PACS2: variants seen among roughly 807,000 people sequenced by gnomAD.
PACS2 encodes PACS1-like protein.
A neutral mutation model predicts 113.0 loss-of-function variants in PACS2; 36 were observed. That is an observed-to-expected ratio of 0.32 (90% CI 0.24 to 0.42). The LOEUF (loss-of-function observed/expected upper bound fraction) is 0.42, where lower values mean the gene tolerates loss of function less well. Among genes scored for constraint, PACS2 ranks in the 10% least tolerant of loss-of-function variants. PACS2 has a pLI of 1.00. For missense variants in PACS2, 1,015 were observed against 1,239.5 expected (o/e 0.82, Z 2.72); for synonymous variants, 589 against 536.1 (o/e 1.10, Z -1.36).
chr14:105,391,905 G>T, intron 22 of PACS2, 139 bp downstream of exon 22: 1 of 870,042 alleles, frequency 1.1e-6, no homozygotes, highest in Non-Finnish European at 1.7e-6. Flanking sequence ...GGCTCTGCAG[G>T]ACGGCTGGGT....
intron 1 of PACS2, among the ~76,000 whole-genome samples, chr14:105,325,806 C>T (rs965940014): frequency 1.3e-5 from 2 of 152,248 alleles, no homozygotes; most frequent in African/African-American, 2.4e-5. Flanking sequence ...GCACGGGGAA[C>T]GGCACCAAGC....
In PACS2 at chr14:105,367,165, G is replaced by T; in HGVS notation, c.424-48G>T. ...CCAGCCCACACATCAGGGCACCGGG[G>T]CTCCTTCCCGTCGTGCTGCTTTCTA... On this transcript the variant is annotated intron_variant, in intron 4 of 24. Transcript: ENST00000447393. 5 of 1,574,600 alleles carry T rather than the reference G, an allele frequency of 3.2e-6. No individual in the cohort carries two copies. The South Asian group carries it at 3.4e-5, about 11-fold the overall frequency.
intron 24 of PACS2, 38 bp downstream of exon 24, chr14:105,393,373 G>T (rs781816763): frequency 2.8e-6 from 4 of 1,411,122 alleles, no homozygotes; most frequent in Non-Finnish European, 4.0e-6. Flanking sequence ...AGAGTGGGAC[G>T]TAGGTGAGAG....
At chr14:105,375,304 C>T (rs1555410139) in intron 8 of PACS2, among the ~76,000 whole-genome samples, 1 of 151,950 alleles carries the variant, frequency 6.6e-6, no homozygotes, top group African/African-American at 2.4e-5. Context: ...ACGGTGAAAC[C>T]CCATCTCTAC....
rs1434649650 is a variant in PACS2 at position 105,367,985 on chromosome 14, C to CT, written c.587-88dup. ...GATCCACCTCCTCGCTGCCCCCACT[C>CT]TGTGTCCAGGGAAGCCTGGGGGTGG... On this transcript the variant is annotated intron_variant, in intron 5 of 24. Coordinates refer to ENST00000447393, the MANE Select transcript of PACS2 (RefSeq NM_001100913.3). The CT allele has an allele frequency of 5.5e-5, 46 of 833,322 alleles. No homozygotes were observed. The East Asian group carries it at 1.1e-3, about 21-fold the overall frequency. 51.6% of individuals were successfully genotyped at this position (833,322 alleles called of 1,614,324 possible).
chr14:105,391,512 T>TGGCCCCCCCCCC, intron 21 of PACS2, 119 bp from the exon 22 acceptor site: 11 of 611,270 alleles, frequency 1.8e-5, no homozygotes, highest in East Asian at 5.8e-5. Flanking sequence ...CACTGGGGAC[T>TGGCCCCCCCCCC]CCCACCCTGC....
chr14:105,381,647 T>C (rs1555412058), intron 12 of PACS2, among the ~76,000 whole-genome samples: 1 of 152,176 alleles, frequency 6.6e-6, no homozygotes, highest in African/African-American at 2.4e-5. Flanking sequence ...GCTCCAAGCC[T>C]CCTGGCCTGG....
chr14:105,368,516 G>T lies in PACS2; in HGVS notation c.718G>T (p.Val240Leu), dbSNP rs782734762. The T allele has an allele frequency of 2.5e-6, 4 of 1,613,980 alleles. No homozygotes were observed. The South Asian group carries it at 4.4e-5, about 18-fold the overall frequency. ...GKPKKQRRSI[V>L]RTTSMTRQQN... Reference sequence around the variant, plus strand: ...GCCGAAGAAGCAGCGGAGATCGATTGTAAGAACGACGTCCATGACCAGGGT... The same window carrying T: ...GCCGAAGAAGCAGCGGAGATCGATTTTAAGAACGACGTCCATGACCAGGGT... The change falls in exon 7 of 25, where the codon GTA becomes TTA. Residue 240 changes from valine (V) to leucine (L), a missense_variant. Val to Leu is a conservative substitution (Grantham distance 32). Coordinates refer to ENST00000447393, the MANE Select transcript of PACS2 (RefSeq NM_001100913.3).
chr14:105,381,132 G>T, intron 12 of PACS2, 33 bp downstream of exon 12: 1 of 1,588,456 alleles, frequency 6.3e-7, no homozygotes, highest in East Asian at 2.3e-5. Context: ...GCGGGGCGGT[G>T]ATGCACCTGT....
chr14:105,309,369 G>A lies in PACS2; in HGVS notation c.-83+8390G>A, dbSNP rs932041886. 1.3e-5 allele frequency among the ~76,000 whole-genome samples: 2 copies of A among 152,162 alleles called. No homozygotes were observed. Among genetic ancestry groups the A allele is most frequent in the African/African-American group, 4.8e-5 (2 of 41,412 alleles). On this transcript the variant is annotated intron_variant, in intron 1 of 23. Transcript: ENST00000430725. This position sits in a 1 kb window ranked among gnomAD's most constrained non-coding sequence, Gnocchi z 4.0. ...ATCACATATCTGAGAATTTCCCCAT[G>A]TTGCTAAAACTGAGGCAGCGTTCCG... is the stretch of plus-strand genomic sequence containing the variant.
At chr14:105,394,284 C>G in intron 24 of PACS2, 2 of 985,340 alleles carry the variant, frequency 2.0e-6, no homozygotes, top group South Asian at 9.4e-5. Context: ...TCTGCTCCTT[C>G]CACCTGCAGG....
intron 1 of PACS2, among the ~76,000 whole-genome samples, chr14:105,344,915 C>T (rs184895925): frequency 6.4e-4 from 97 of 151,580 alleles, no homozygotes; most frequent in Non-Finnish European, 1.1e-3. Context: ...CGAGACCAGC[C>T]TGGCCAACAT....
At chr14:105,305,206 G>A (rs587615749) in intron 1 of PACS2, among the ~76,000 whole-genome samples, 1 of 152,154 alleles carries the variant, frequency 6.6e-6, no homozygotes, top group South Asian at 2.1e-4. Context: ...TTTGAGACCA[G>A]CCTAAGCAAC....
At chr14:105,382,763 C>G in intron 14 of PACS2, 44 bp from the exon 15 acceptor site, 1 of 1,293,052 alleles carries the variant, frequency 7.7e-7, no homozygotes, top group African/African-American at 1.5e-5. Context: ...TGGGGGTGGC[C>G]TGGGCGGCTG....
In PACS2 at chr14:105,381,982, C is replaced by T; in HGVS notation, c.1337C>T (p.Pro446Leu). 1.3e-6 allele frequency: 2 copies of T among 1,550,266 alleles called. No individual in the cohort carries two copies. The highest frequency in any genetic ancestry group is 1.7e-6 in the Non-Finnish European group (2 of 1,147,130). ...TSLKERQAAR[P>L]QNERANSLDN... is the part of the protein sequence containing the mutation. ...TTGAAGGAGCGGCAGGCAGCACGGCCCCAGAATGAGCGGGCCAACAGCCTG... is the reference window on the plus strand; with the variant it reads ...TTGAAGGAGCGGCAGGCAGCACGGCTCCAGAATGAGCGGGCCAACAGCCTG... Residue 446 changes from proline (P) to leucine (L), a missense_variant, in exon 13 of 25, where the codon CCC becomes CTC. By Grantham distance (98) the Pro-to-Leu change is moderately conservative. Around this residue, in one of 3 missense-constraint regions of PACS2, gnomAD observed 859 missense variants for 1,056.8 expected, o/e 0.81. Coordinates refer to ENST00000447393, the MANE Select transcript of PACS2 (RefSeq NM_001100913.3).
chr14:105,391,843 A>C, intron 22 of PACS2, 77 bp downstream of exon 22: 7 of 1,383,636 alleles, frequency 5.1e-6, no homozygotes, highest in Non-Finnish European at 5.9e-6. Flanking sequence ...ATCCTCCCCT[A>C]TGTCACATCC....
At chr14:105,343,675 A>T (rs2059816194) in intron 1 of PACS2, among the ~76,000 whole-genome samples, 1 of 149,250 alleles carries the variant, frequency 6.7e-6, no homozygotes, top group South Asian at 2.1e-4. Flanking sequence ...TTCTGGTGAA[A>T]CGTCTGTTCA....
chr14:105,370,058 G>C, intron 8 of PACS2, 158 bp downstream of exon 8: 1 of 633,332 alleles, frequency 1.6e-6, no homozygotes, highest in Non-Finnish European at 2.7e-6. Context: ...CGCAGTGACA[G>C]TGGCACTGCC....
rs1555415456 is a variant in PACS2 at position 105,393,157 on chromosome 14, C to T, written c.2483-65C>T. On this transcript the variant is annotated intron_variant, in intron 23 of 24. Transcript: ENST00000447393. ...CCCCAGTGCCTCCCCCACACGTACC[C>T]CTGGCCCTGGCCCCAGCCCCGAAGG... The T allele has an allele frequency of 3.9e-6, 5 of 1,275,534 alleles. No individual in the cohort carries two copies. The East Asian group carries it at 9.2e-5, about 24-fold the overall frequency. The allele number at this position is 1,275,534 out of a possible 1,614,324, so 79.0% of individuals were successfully genotyped here. A position where few individuals can be genotyped will look rare whatever the true frequency, so the allele number is the denominator to read the frequency against.
Sources: allele counts gnomAD v4.1 joint callset (sites outside exome capture counted in the v4.1 genomes callset), GRCh38; gene constraint gnomAD v4.1.1; regional missense constraint gnomAD v4.1.1; non-coding constraint Gnocchi (gnomAD v3.1); transcripts MANE v1.5; gene names NCBI Gene and HGNC (gene_info 2026-07-23, HGNC 2026-07-21).